Variants in TANK observed in about 807,000 individuals in gnomAD.
The protein encoded by TANK is TRAF family member associated NFKB activator, also known as TRAF family member-associated NF-kappa-B activator.
Under a neutral mutation model 43.6 loss-of-function variants are expected in TANK, and 15 were observed. The ratio of observed to expected loss-of-function variants is 0.34; its 90% CI spans 0.23 to 0.53. The LOEUF is 0.53. TANK is among the 20% of genes least tolerant of loss of function. The pLI, the probability that TANK is intolerant of heterozygous loss-of-function variation, is 0.94. For synonymous variants in TANK, 162 were observed against 178.2 expected, an observed-to-expected ratio of 0.91 and a Z score of 0.73; for missense variants, 417 against 498.6, an observed-to-expected ratio of 0.84 and a Z score of 1.56.
At chr2:161,138,045 T>C in intron 1 of TANK, 1 of 566,296 alleles carries the variant, frequency 1.8e-6, no homozygotes, top group Non-Finnish European at 2.2e-6. Context: ...AGTGAATATT[T>C]CATTACACTA....
chr2:161,191,196 T>C (rs1286449245), intron 2 of TANK, among the ~76,000 whole-genome samples: 1 of 152,228 alleles, frequency 6.6e-6, no homozygotes, highest in Non-Finnish European at 1.5e-5. Context: ...CATCTAAGTA[T>C]TCCAAATTGA....
At chr2:161,228,468 T>TA (rs936065145) in intron 6 of TANK, among the ~76,000 whole-genome samples, 8 of 152,162 alleles carry the variant, frequency 5.3e-5, no homozygotes, top group African/African-American at 1.9e-4. Context: ...GAGGCAGAGG[T>TA]TGCGGTGAGC....
At chr2:161,224,031 C>A in intron 5 of TANK, 40 bp downstream of exon 5, 3 of 1,262,134 alleles carry the variant, frequency 2.4e-6, no homozygotes, top group Admixed American at 4.0e-5. Flanking sequence ...TAAAAATTAT[C>A]AATACTGAAA....
At chr2:161,235,046 CT>C (rs1299440039) in intron 7 of TANK, among the ~76,000 whole-genome samples, 1 of 148,112 alleles carries the variant, frequency 6.8e-6, no homozygotes, top group Non-Finnish European at 1.5e-5. Context: ...AAAACTACTG[CT>C]GTTGTGATCG....
chr2:161,179,611 C>T lies in TANK; in HGVS notation c.-49-3C>T. On this transcript the variant is annotated splice_polypyrimidine_tract_variant and splice_region_variant and intron_variant, in intron 1 of 7. Coordinates refer to ENST00000392749, the MANE Select transcript of TANK (RefSeq NM_001199135.3). Reference sequence around the variant, plus strand: ...TATCTAAATTGATCTCATTATTTTGCAGACCTGTCATTTACTCCATCCTTT... The same window carrying T: ...TATCTAAATTGATCTCATTATTTTGTAGACCTGTCATTTACTCCATCCTTT... The T allele has an allele frequency of 6.3e-7, 1 of 1,596,472 alleles. No homozygotes were observed. The highest frequency in any genetic ancestry group is 8.5e-7 in the Non-Finnish European group (1 of 1,171,662).
intron 1 of TANK, among the ~76,000 whole-genome samples, chr2:161,169,953 G>A (rs756318260): frequency 5.9e-5 from 9 of 152,132 alleles, no homozygotes; most frequent in Non-Finnish European, 1.5e-5. Flanking sequence ...ATAGATCTTT[G>A]TTCCGACCCT....
In TANK at chr2:161,139,637, C is replaced by G. The variant is rs1047700700; in HGVS notation, c.-50+2574C>G. ...TAATAAATTGGTAGTTCAAAATAAA[C>G]CAACCAAACCTACACGTTTCCTCTT... On this transcript the variant is annotated intron_variant, in intron 1 of 7. Transcript: ENST00000259075. 5.3e-6 allele frequency: 5 copies of G among 943,116 alleles called. No individual in the cohort carries two copies. The African/African-American group carries it at 8.9e-5, about 17-fold the overall frequency. The allele number at this position is 943,116 out of a possible 1,614,324, so 58.4% of individuals were successfully genotyped here.
intron 6 of TANK, among the ~76,000 whole-genome samples, 154 bp from the exon 7 acceptor site, chr2:161,230,817 G>C (rs569842650): frequency 6.6e-6 from 1 of 152,186 alleles, no homozygotes; most frequent in Non-Finnish European, 1.5e-5. Context: ...CTAATATTCT[G>C]TGTAAGATGG....
intron 1 of TANK, among the ~76,000 whole-genome samples, chr2:161,173,133 A>G (rs950025190): frequency 9.2e-5 from 14 of 152,168 alleles, no homozygotes; most frequent in Non-Finnish European, 7.4e-5. Flanking sequence ...AGTGTACTCT[A>G]CAGCTCTATA....
chr2:161,233,904 T>C (rs1688048071), intron 7 of TANK, among the ~76,000 whole-genome samples: 1 of 152,180 alleles, frequency 6.6e-6, no homozygotes, highest in Admixed American at 6.5e-5. Flanking sequence ...TAACTAGATT[T>C]TTGTTTGTAT....
chr2:161,159,487 A>G (rs1342821751), upstream of TANK, among the ~76,000 whole-genome samples: 3 of 152,246 alleles, frequency 2.0e-5, no homozygotes, highest in African/African-American at 7.2e-5. Context: ...AAAACGTTAT[A>G]TATAAGAAGT....
chr2:161,211,749 T>G, intron 4 of TANK: 1 of 985,346 alleles, frequency 1.0e-6, no homozygotes, highest in Non-Finnish European at 1.2e-6. Flanking sequence ...ATGGTGATTA[T>G]GCACACTGTA....
chr2:161,185,782 T>C (rs894788803), intron 2 of TANK, among the ~76,000 whole-genome samples: 3 of 150,926 alleles, frequency 2.0e-5, no homozygotes, highest in Admixed American at 1.3e-4. Context: ...TTAGTGGGTG[T>C]AGCGCACCAG....
intron 5 of TANK, 59 bp downstream of exon 5, chr2:161,224,050 A>T: frequency 8.5e-7 from 1 of 1,170,890 alleles, no homozygotes; most frequent in Non-Finnish European, 1.2e-6. Flanking sequence ...AATATATTTT[A>T]TATTTGTTTT....
chr2:161,232,504 T>G (rs1687966944), intron 7 of TANK, among the ~76,000 whole-genome samples: 1 of 152,226 alleles, frequency 6.6e-6, no homozygotes, highest in African/African-American at 2.4e-5. Context: ...ATTTTAGTAG[T>G]GGGAAGAACT....
intron 6 of TANK, among the ~76,000 whole-genome samples, chr2:161,229,819 T>C (rs1161121717): frequency 6.6e-6 from 1 of 152,230 alleles, no homozygotes; most frequent in Non-Finnish European, 1.5e-5. Context: ...TCAACAGTGC[T>C]GATGACAATC....
chr2:161,216,742 T>G (rs1436936401), intron 4 of TANK, among the ~76,000 whole-genome samples: 1 of 152,202 alleles, frequency 6.6e-6, no homozygotes, highest in Non-Finnish European at 1.5e-5. Flanking sequence ...TTTATCTTGG[T>G]TATGTGTGCA....
chr2:161,195,516 T>C (rs568371313), intron 2 of TANK, among the ~76,000 whole-genome samples: 21 of 152,214 alleles, frequency 1.4e-4, no homozygotes, highest in African/African-American at 5.1e-4. Context: ...GAACTTAAAG[T>C]ATAAGGGAAA....
At chr2:161,223,719 ATTTTCCT>A (rs1687468547) in intron 4 of TANK, 189 bp from the exon 5 acceptor site, 1 of 381,326 alleles carries the variant, frequency 2.6e-6, no homozygotes, top group African/African-American at 2.1e-5. Flanking sequence ...TTCCTTCTTC[ATTTTCCT>A]TTTTCCTTGA....
Sources: gnomAD v4.1 joint callset for allele counts (sites outside exome capture counted in the v4.1 genomes callset) on GRCh38, gnomAD v4.1.1 for gene constraint, MANE v1.5 for transcripts, NCBI Gene and HGNC (gene_info 2026-07-23, HGNC 2026-07-21) for gene names.